ALDH1L1: variants seen among roughly 807,000 people sequenced by gnomAD.
ALDH1L1 encodes aldehyde dehydrogenase 1 family member L1, also known as cytosolic 10-formyltetrahydrofolate dehydrogenase.
ALDH1L1 carries 68 observed loss-of-function variants against 101.1 expected under a neutral mutation model. That is an observed-to-expected ratio of 0.67 (90% confidence interval 0.55 to 0.82). The LOEUF is 0.82. Ranked by LOEUF, ALDH1L1 falls within the 40% of genes least tolerant of loss-of-function variation. The pLI, the probability that ALDH1L1 is intolerant of heterozygous loss-of-function variation, is 0.00. For synonymous variants in ALDH1L1, 486 were observed against 470.8 expected, an observed-to-expected ratio of 1.03 and a Z score of -0.42; for missense variants, 1,087 against 1,172.7, an observed-to-expected ratio of 0.93 and a Z score of 1.07.
chr3:126,130,757 G>C (rs185606231), intron 13 of ALDH1L1, among the ~76,000 whole-genome samples: 13 of 152,334 alleles, frequency 8.5e-5, no homozygotes, highest in South Asian at 4.1e-4. Flanking sequence ...GATCTGATCT[G>C]GCAGAGACGC....
chr3:126,150,284 G>C, intron 8 of ALDH1L1, 122 bp downstream of exon 8: 1 of 1,432,860 alleles, frequency 7.0e-7, no homozygotes, highest in Non-Finnish European at 9.2e-7. Flanking sequence ...CACTGCACCT[G>C]GAGCCAAAAC....
chr3:126,170,939 T>C (rs996157196), intron 1 of ALDH1L1, among the ~76,000 whole-genome samples: 2 of 152,072 alleles, frequency 1.3e-5, no homozygotes, highest in Non-Finnish European at 2.9e-5. Flanking sequence ...AGTAAAACAG[T>C]GGGCCTTAAT....
intron 16 of ALDH1L1, among the ~76,000 whole-genome samples, chr3:126,123,257 CTTTT>C (rs138624090): frequency 0.59 from 81,881 of 138,490 alleles, 23,808 homozygotes; most frequent in African/African-American, 0.67. Flanking sequence ...CACCAAAACT[CTTTT>C]TTTTTTTTTT....
chr3:126,137,402 T>C (rs758908680), intron 10 of ALDH1L1, among the ~76,000 whole-genome samples: 4 of 152,250 alleles, frequency 2.6e-5, no homozygotes, highest in Non-Finnish European at 5.9e-5. Context: ...CCCATTCTTA[T>C]GGGAGGTGGC....
rs895744826 is a variant in ALDH1L1 at position 126,112,172 on chromosome 3, G to A, written c.2181+610C>T. Among the ~76,000 whole-genome samples, 16 of 152,234 alleles carry A rather than the reference G, an allele frequency of 1.1e-4. 1 individual carries two copies. Among genetic ancestry groups the A allele is most frequent in the African/African-American group, 3.9e-4 (16 of 41,452 alleles). ...GCATCAAGCCTGCTCTTCCAGGTGTGGCTGAGTGGATAAATCTGGTGGGAG... is the reference window on the plus strand; with the variant it reads ...GCATCAAGCCTGCTCTTCCAGGTGTAGCTGAGTGGATAAATCTGGTGGGAG... On this transcript the variant is annotated intron_variant, in intron 19 of 22. Coordinates refer to ENST00000393434, the MANE Select transcript of ALDH1L1 (RefSeq NM_012190.4).
chr3:126,117,480 C>T (rs2079994244), intron 17 of ALDH1L1, among the ~76,000 whole-genome samples: 2 of 151,826 alleles, frequency 1.3e-5, no homozygotes, highest in Admixed American at 6.6e-5. Flanking sequence ...CACCATGAGA[C>T]CCCATCTCTA....
chr3:126,166,000 G>A (rs142272176), intron 1 of ALDH1L1, among the ~76,000 whole-genome samples: 26 of 150,882 alleles, frequency 1.7e-4, no homozygotes, highest in African/African-American at 4.4e-4. Context: ...AGTTCCTTTA[G>A]GTGAAGTTAG....
Position 126,105,995 on chromosome 3 carries a change from G to A in ALDH1L1, c.2454-70C>T, listed in dbSNP as rs886259124. ...GAGAGCCTGGCCCACTCCACACCCC[G>A]GCCCACTCCACACCCCAGCTGCATA... On this transcript the variant is annotated intron_variant, in intron 21 of 22. Coordinates refer to ENST00000393434, the MANE Select transcript of ALDH1L1 (RefSeq NM_012190.4). 47 of 1,468,062 alleles carry A rather than the reference G, an allele frequency of 3.2e-5. No individual in the cohort carries two copies. In the South Asian group the frequency reaches 3.7e-4, roughly 11 times the overall value. The allele number at this position is 1,468,062 out of a possible 1,614,324, so 90.9% of individuals were successfully genotyped here. A position where few individuals can be genotyped will look rare whatever the true frequency, so the allele number is the denominator to read the frequency against.
chr3:126,136,664 G>C, intron 11 of ALDH1L1, 100 bp downstream of exon 11: 1 of 1,504,026 alleles, frequency 6.6e-7, no homozygotes, highest in Non-Finnish European at 8.9e-7. Context: ...TGTCCAAGCA[G>C]AGACTCTCAG....
At chr3:126,191,973 G>A (rs1420414277) in intron 1 of ALDH1L1, among the ~76,000 whole-genome samples, 3 of 152,162 alleles carry the variant, frequency 2.0e-5, no homozygotes, top group Non-Finnish European at 2.9e-5. Flanking sequence ...GGAAACCTCT[G>A]TGGCATTACA....
chr3:126,150,472 AAAG>A lies in ALDH1L1; in HGVS notation c.915_917del (p.Phe306del). On this transcript the variant is annotated inframe_deletion, in exon 8 of 23. Transcript: ENST00000393434. ...CAAGGACACTGCTGGCTGCCCCCTT[AAAG>A]AAGTTCGAGGCCAGGATCATTTTGC... The A allele has an allele frequency of 6.4e-7, 1 of 1,551,570 alleles. No homozygotes were observed. Among genetic ancestry groups the A allele is most frequent in the Non-Finnish European group, 8.7e-7 (1 of 1,146,940 alleles).
chr3:126,122,469 AG>A (rs2080098479), intron 16 of ALDH1L1, among the ~76,000 whole-genome samples: 2 of 152,248 alleles, frequency 1.3e-5, no homozygotes, highest in East Asian at 3.8e-4. Flanking sequence ...GACACCAGAT[AG>A]TAGCTCAAAT....
chr3:126,131,608 T>G, intron 12 of ALDH1L1, 74 bp from the exon 13 acceptor site: 1 of 1,507,622 alleles, frequency 6.6e-7, no homozygotes, highest in South Asian at 1.3e-5. Context: ...AAGGCCCTTC[T>G]TCAAGGAGCT....
At chr3:126,178,296 A>T (rs994203768) in intron 1 of ALDH1L1, among the ~76,000 whole-genome samples, 1 of 146,818 alleles carries the variant, frequency 6.8e-6, no homozygotes, top group Admixed American at 6.9e-5. Context: ...CATGAGAATC[A>T]CTTGAGCCCA....
upstream of ALDH1L1, chr3:126,181,025 CT>C (rs2081467673): frequency 4.4e-6 from 7 of 1,595,010 alleles, no homozygotes; most frequent in East Asian, 1.6e-4. Context: ...TTTGCAGCCG[CT>C]TGCAGAGGCG....
At chr3:126,105,266 A>G in intron 22 of ALDH1L1, 1 of 268,078 alleles carries the variant, frequency 3.7e-6, no homozygotes. Flanking sequence ...TCTGGCCCCT[A>G]CCTGCCTCTC....
chr3:126,181,035 C>T (rs769444379), upstream of ALDH1L1: 68 of 1,583,632 alleles, frequency 4.3e-5, no homozygotes, highest in Non-Finnish European at 5.4e-5. Context: ...CTTGCAGAGG[C>T]GGCCCCTTAG....
chr3:126,106,493 TAC>T (rs1281250717), intron 21 of ALDH1L1, among the ~76,000 whole-genome samples: 1 of 151,772 alleles, frequency 6.6e-6, no homozygotes, highest in African/African-American at 2.4e-5. Context: ...GTGAGTGGAG[TAC>T]AGTTTTTCCC....
At chr3:126,190,241 G>T (rs936657077) in intron 1 of ALDH1L1, among the ~76,000 whole-genome samples, 1 of 152,124 alleles carries the variant, frequency 6.6e-6, no homozygotes, top group Non-Finnish European at 1.5e-5. Flanking sequence ...TATTCAAATG[G>T]TTCATCATGT....
Sources: gnomAD v4.1 joint callset for allele counts (sites outside exome capture counted in the v4.1 genomes callset) on GRCh38, gnomAD v4.1.1 for gene constraint, MANE v1.5 for transcripts, NCBI Gene and HGNC (gene_info 2026-07-23, HGNC 2026-07-21) for gene names.